ETV6: variants seen among roughly 807,000 people sequenced by gnomAD.
ETV6 encodes the protein ETS variant transcription factor 6.
ETV6 carries 16 observed loss-of-function variants against 51.1 expected under a neutral mutation model. The ratio of observed to expected loss-of-function variants is 0.31; its 90% confidence interval spans 0.21 to 0.48. The LOEUF (loss-of-function observed/expected upper bound fraction) is 0.48. ETV6 is among the 20% of genes least tolerant of loss of function. ETV6 has a pLI of 0.99. For missense variants in ETV6, 458 were observed against 594.8 expected, an observed-to-expected ratio of 0.77 and a Z score of 2.39; for synonymous variants, 240 against 224.1, an observed-to-expected ratio of 1.07 and a Z score of -0.64.
intron 1 of ETV6, chr12:11,751,859 G>A (rs748681923): frequency 1.4e-5 from 7 of 509,788 alleles, no homozygotes; most frequent in South Asian, 2.9e-5. Context: ...AAAATTAGAC[G>A]TTGGATATTT....
intron 1 of ETV6, among the ~76,000 whole-genome samples, chr12:11,711,347 G>A (rs11054425): frequency 0.22 from 32,854 of 152,170 alleles, 4,414 homozygotes; most frequent in East Asian, 0.36. Context: ...GCAGTACATC[G>A]AGAAGACCAT....
intron 2 of ETV6, among the ~76,000 whole-genome samples, chr12:11,814,792 G>C (rs960824799): frequency 6.6e-6 from 1 of 152,318 alleles, no homozygotes; most frequent in South Asian, 2.1e-4. Context: ...TAGGAATGCA[G>C]GGGTTAAGAC....
chr12:11,735,686 C>T (rs897223960), intron 1 of ETV6, among the ~76,000 whole-genome samples: 13 of 152,170 alleles, frequency 8.5e-5, no homozygotes, highest in African/African-American at 4.8e-5. Flanking sequence ...CCACAACCTC[C>T]GCCTCCCGGG....
intron 1 of ETV6, among the ~76,000 whole-genome samples, chr12:11,709,347 C>T (rs751174762): frequency 6.6e-6 from 1 of 151,810 alleles, no homozygotes; most frequent in African/African-American, 2.4e-5. Flanking sequence ...CTTCTCTCCT[C>T]CTCTCCTCTC....
intron 2 of ETV6, among the ~76,000 whole-genome samples, chr12:11,763,493 A>G (rs1303352342): frequency 1.3e-5 from 2 of 152,246 alleles, no homozygotes; most frequent in East Asian, 3.8e-4. Flanking sequence ...TCAGAGACCC[A>G]CAAAAACCTA....
intron 1 of ETV6, among the ~76,000 whole-genome samples, chr12:11,661,678 C>T (rs895968688): frequency 7.9e-5 from 12 of 152,254 alleles, no homozygotes; most frequent in Non-Finnish European, 1.8e-4. Context: ...TTCCCTTCAT[C>T]TGCTGACGCT....
At chr12:11,753,123 C>T (rs1240445014) in intron 2 of ETV6, among the ~76,000 whole-genome samples, 1 of 152,038 alleles carries the variant, frequency 6.6e-6, no homozygotes, top group Non-Finnish European at 1.5e-5. Context: ...TTTCCTTCAC[C>T]TCCACTCTCT....
intron 3 of ETV6, among the ~76,000 whole-genome samples, chr12:11,849,422 G>C (rs114294798): frequency 0.023 from 3,451 of 152,146 alleles, 113 homozygotes; most frequent in African/African-American, 0.073. Context: ...AGATTCTTTT[G>C]TTAGTAACAC....
At chr12:11,837,839 C>T (rs913510427) in intron 2 of ETV6, among the ~76,000 whole-genome samples, 2 of 152,190 alleles carry the variant, frequency 1.3e-5, no homozygotes, top group Admixed American at 1.3e-4. Context: ...AATTTGGTCT[C>T]ATGTCTCCTT....
intron 1 of ETV6, among the ~76,000 whole-genome samples, chr12:11,724,161 G>T (rs1865445979): frequency 6.6e-6 from 1 of 152,150 alleles, no homozygotes; most frequent in Admixed American, 6.6e-5. Context: ...CAGGTCAGCT[G>T]CCTGAGTCTC....
intron 1 of ETV6, among the ~76,000 whole-genome samples, chr12:11,650,504 A>AAAAAAAAAAAAAAAAAAAAAAC (rs1555109540): frequency 4.2e-5 from 4 of 94,232 alleles, no homozygotes; most frequent in African/African-American, 8.3e-5. Context: ...AACAAAAAAC[A>AAAAAAAAAAAAAAAAAAAAAAC]AAAAAAAAAA....
intron 2 of ETV6, among the ~76,000 whole-genome samples, chr12:11,822,160 C>A (rs538610382): frequency 2.6e-5 from 4 of 152,146 alleles, no homozygotes; most frequent in Admixed American, 2.6e-4. Context: ...GCGCCTGATC[C>A]GGGACGCGAG....
intron 5 of ETV6, 135 bp from the exon 6 acceptor site, chr12:11,884,310 A>C (rs1947153941): frequency 1.0e-6 from 1 of 991,856 alleles, no homozygotes; most frequent in Non-Finnish European, 1.5e-6. Flanking sequence ...TTCCCGGTAA[A>C]ACAAGGAAGT....
At chr12:11,784,395 G>C in intron 2 of ETV6, among the ~76,000 whole-genome samples, 1 of 151,464 alleles carries the variant, frequency 6.6e-6, no homozygotes, top group East Asian at 1.9e-4. Context: ...GGAGGCGGAG[G>C]TTGCAGTGAG....
chr12:11,656,329 T>C (rs894987724), intron 1 of ETV6, among the ~76,000 whole-genome samples: 1 of 152,188 alleles, frequency 6.6e-6, no homozygotes, highest in Non-Finnish European at 1.5e-5. Flanking sequence ...TATGAGGGCA[T>C]TCCAAAGTGC....
intron 2 of ETV6, among the ~76,000 whole-genome samples, chr12:11,777,418 G>C (rs1945345947): frequency 1.3e-5 from 2 of 151,812 alleles, no homozygotes; most frequent in Non-Finnish European, 2.9e-5. Flanking sequence ...AAGGATTGTG[G>C]GTAGAATTTC....
intron 1 of ETV6, among the ~76,000 whole-genome samples, chr12:11,725,081 C>G (rs1591633361): frequency 6.6e-6 from 1 of 152,094 alleles, no homozygotes; most frequent in Admixed American, 6.5e-5. Context: ...CACCTTGGGT[C>G]GCGGCACATC....
chr12:11,792,308 T>C (rs1266131275), intron 2 of ETV6, among the ~76,000 whole-genome samples: 1 of 152,146 alleles, frequency 6.6e-6, no homozygotes, highest in African/African-American at 2.4e-5. Context: ...TGACAGACAT[T>C]GAAGTGTTGG....
chr12:11,655,956 G>A (rs1863991775), intron 1 of ETV6, among the ~76,000 whole-genome samples: 1 of 152,180 alleles, frequency 6.6e-6, no homozygotes. Flanking sequence ...AGTGGCCGTT[G>A]TTCTACAACA....
Sources: gnomAD v4.1 joint callset for allele counts (sites outside exome capture counted in the v4.1 genomes callset) on GRCh38, gnomAD v4.1.1 for gene constraint, MANE v1.5 for transcripts, NCBI Gene and HGNC (gene_info 2026-07-23, HGNC 2026-07-21) for gene names.